OR5BS1: variants seen among roughly 807,000 people sequenced by gnomAD.
OR5BS1 encodes the protein olfactory receptor 5BS1.
chr12:48,562,261 G>C, the OR5BS1 span, among the ~76,000 whole-genome samples: 1 of 152,146 alleles, frequency 6.6e-6, no homozygotes, highest in Non-Finnish European at 1.5e-5. Flanking sequence ...GGATTCTGAG[G>C]GTAATTCCCA....
At chr12:48,562,773 T>C in the OR5BS1 span, 1 of 401,764 alleles carries the variant, frequency 2.5e-6, no homozygotes, top group Non-Finnish European at 4.4e-6. Flanking sequence ...TAAGTTGCTT[T>C]TCTGTACAAT....
the OR5BS1 span, among the ~76,000 whole-genome samples, chr12:48,561,033 G>A: frequency 6.6e-6 from 1 of 151,766 alleles, no homozygotes; most frequent in African/African-American, 2.4e-5. Flanking sequence ...AGCCTCGGAG[G>A]CAGAGGTTGC....
At chr12:48,561,692 T>C in the OR5BS1 span, among the ~76,000 whole-genome samples, 1 of 152,124 alleles carries the variant, frequency 6.6e-6, no homozygotes, top group Non-Finnish European at 1.5e-5. Flanking sequence ...CACCTGCCTG[T>C]GATTCAGAGA....
At chr12:48,561,471 G>C in the OR5BS1 span, among the ~76,000 whole-genome samples, 1 of 152,086 alleles carries the variant, frequency 6.6e-6, no homozygotes, top group Non-Finnish European at 1.5e-5. Context: ...TGAGTTTGGG[G>C]AGTAATCAGG....
chr12:48,561,459 C>T, the OR5BS1 span, among the ~76,000 whole-genome samples: 1 of 152,104 alleles, frequency 6.6e-6, no homozygotes, highest in Admixed American at 6.6e-5. Flanking sequence ...AGGTAAAGAA[C>T]CTGAGTTTGG....
the OR5BS1 span, chr12:48,562,653 T>C: frequency 2.5e-6 from 1 of 395,320 alleles, no homozygotes; most frequent in Non-Finnish European, 4.5e-6. Flanking sequence ...GATCAGCCAT[T>C]TCTAGATGCT....
At chr12:48,562,853 T>C in the OR5BS1 span, 1 of 402,106 alleles carries the variant, frequency 2.5e-6, no homozygotes, top group East Asian at 3.6e-5. Context: ...CAGTACAGTG[T>C]GATAACCCCC....
the OR5BS1 span, among the ~76,000 whole-genome samples, chr12:48,560,809 G>T: frequency 1.3e-5 from 2 of 152,164 alleles, no homozygotes; most frequent in Non-Finnish European, 2.9e-5. Context: ...GAATTGTAAA[G>T]AATCTATTTT....
the OR5BS1 span, chr12:48,562,740 A>G: frequency 2.5e-6 from 1 of 401,162 alleles, no homozygotes; most frequent in Middle Eastern, 3.1e-4. Flanking sequence ...TGCTGCCAAC[A>G]GTGAGAATTG....
the OR5BS1 span, chr12:48,560,612 A>G: frequency 5.0e-6 from 2 of 401,340 alleles, no homozygotes; most frequent in Non-Finnish European, 8.8e-6. Context: ...TGCTCTTCCC[A>G]TTTCCTTGTG....
At chr12:48,562,834 C>A in the OR5BS1 span, 1 of 401,976 alleles carries the variant, frequency 2.5e-6, no homozygotes, top group Non-Finnish European at 4.4e-6. Flanking sequence ...AGAACAAGTG[C>A]TCTCCGTGCA....
the OR5BS1 span, among the ~76,000 whole-genome samples, chr12:48,562,011 C>T: frequency 6.6e-6 from 1 of 152,084 alleles, no homozygotes. Context: ...TAGTCTATTC[C>T]AATAATGATG....
chr12:48,562,446 A>T, the OR5BS1 span, among the ~76,000 whole-genome samples: 3 of 152,192 alleles, frequency 2.0e-5, no homozygotes, highest in African/African-American at 7.2e-5. Flanking sequence ...ATGAAATGCT[A>T]TGGAAATGTA....
the OR5BS1 span, among the ~76,000 whole-genome samples, chr12:48,562,298 G>A: frequency 1.4e-4 from 22 of 152,266 alleles, no homozygotes; most frequent in African/African-American, 3.1e-4. Context: ...GAATAATGAC[G>A]ATATTTTAAA....
At chr12:48,560,795 G>C in the OR5BS1 span, 1 of 395,518 alleles carries the variant, frequency 2.5e-6, no homozygotes, top group African/African-American at 2.1e-5. Context: ...TGGACTAGCT[G>C]TATGAATTGT....
At chr12:48,562,553 G>T in the OR5BS1 span, among the ~76,000 whole-genome samples, 1 of 152,166 alleles carries the variant, frequency 6.6e-6, no homozygotes, top group East Asian at 1.9e-4. Flanking sequence ...CTGCAGAACT[G>T]CTTGTTCCTC....
the OR5BS1 span, chr12:48,560,257 A>G: frequency 0.6 from 241,997 of 400,900 alleles, 74,269 homozygotes; most frequent in Middle Eastern, 0.66. Context: ...GTTTCAGGCC[A>G]TGTGTCATCC....
the OR5BS1 span, chr12:48,562,785 C>T: frequency 2.5e-6 from 1 of 401,620 alleles, no homozygotes; most frequent in Non-Finnish European, 4.4e-6. Context: ...CTGTACAATT[C>T]CCTTCAAGGT....
the OR5BS1 span, chr12:48,562,761 C>A: frequency 2.5e-6 from 1 of 401,528 alleles, no homozygotes; most frequent in South Asian, 1.3e-4. Flanking sequence ...TCACCATTGT[C>A]ATAAGTTGCT....
Sources: gnomAD v4.1 joint callset for allele counts (sites outside exome capture counted in the v4.1 genomes callset) on GRCh38, gnomAD v4.1.1 for gene constraint, MANE v1.5 for transcripts, NCBI Gene and HGNC (gene_info 2026-07-23, HGNC 2026-07-21) for gene names.